Variants in PYGB observed in about 807,000 individuals in gnomAD.
The protein encoded by PYGB is glycogen phosphorylase, brain form.
Under a neutral mutation model 94.3 loss-of-function variants are expected in PYGB, and 82 were observed. The observed-to-expected ratio is 0.87, with a 90% CI of 0.73 to 1.04. The LOEUF (loss-of-function observed/expected upper bound fraction) is 1.04, where lower values mean the gene tolerates loss of function less well. Ranked by LOEUF, PYGB falls within the 50% of genes least tolerant of loss-of-function variation. The pLI is 0.00. For synonymous variants in PYGB, 488 were observed against 479.1 expected (o/e 1.02, Z -0.24); for missense variants, 1,132 against 1,158.2 (o/e 0.98, Z 0.33).
chr20:25,272,147 T>G (rs2088273502), intron 4 of PYGB, among the ~76,000 whole-genome samples: 1 of 152,246 alleles, frequency 6.6e-6, no homozygotes, highest in Admixed American at 6.5e-5. Context: ...TGCCTCAGAA[T>G]GAAAGTCACC....
chr20:25,267,667 A>G (rs759740972), intron 2 of PYGB, among the ~76,000 whole-genome samples: 2 of 152,102 alleles, frequency 1.3e-5, no homozygotes, highest in Admixed American at 6.6e-5. Context: ...AGTAGCTGGG[A>G]CTGTAGGCGT....
chr20:25,259,359 G>A (rs2092908782), intron 2 of PYGB, 21 bp downstream of exon 2: 3 of 1,558,904 alleles, frequency 1.9e-6, no homozygotes, highest in Non-Finnish European at 2.7e-6. Context: ...TCATGGCCGG[G>A]CTTCTGGGTG....
Position 25,292,491 on chromosome 20 carries a change from C to T in PYGB, c.2055C>T (p.Asn685=), listed in dbSNP as rs141811111. 11 of 1,613,608 alleles carry T rather than the reference C, an allele frequency of 6.8e-6. No homozygotes were observed. Among genetic ancestry groups the T allele is most frequent in the African/African-American group, 6.7e-5 (5 of 75,062 alleles). The part of the protein sequence containing the change: ...SGTGNMKFML[N]GALTIGTMDG... ...CAGGCAACATGAAGTTCATGCTCAA[C>T]GGGGCCCTCACCATCGGCACCATGG... is the stretch of plus-strand genomic sequence containing the variant. Residue 685 remains asparagine, a synonymous_variant, in exon 17 of 20, where the codon AAC becomes AAT. Transcript: ENST00000216962.
chr20:25,291,394 C>G (rs2088466216), intron 16 of PYGB, among the ~76,000 whole-genome samples: 1 of 152,190 alleles, frequency 6.6e-6, no homozygotes, highest in Non-Finnish European at 1.5e-5. Context: ...AGGGCCCCCC[C>G]TAGTTCAGGC....
chr20:25,272,422 AC>A (rs928165128), intron 4 of PYGB, among the ~76,000 whole-genome samples: 1 of 152,188 alleles, frequency 6.6e-6, no homozygotes, highest in African/African-American at 2.4e-5. Flanking sequence ...TTAACCCAAA[AC>A]ATAAACGCAA....
chr20:25,276,490 C>T (rs1315782877), intron 5 of PYGB, among the ~76,000 whole-genome samples, 156 bp from the exon 6 acceptor site: 3 of 149,812 alleles, frequency 2.0e-5, no homozygotes, highest in African/African-American at 5.0e-5. Flanking sequence ...ACTGTGGTGC[C>T]GAGCATGGGC....
At position 25,259,336 on chromosome 20, in the gene PYGB, C is replaced by A; in HGVS notation, c.343C>A (p.Gln115Lys). The A allele has an allele frequency of 1.2e-6, 2 of 1,601,248 alleles. No homozygotes were observed. Among genetic ancestry groups the A allele is most frequent in the Non-Finnish European group, 1.7e-6 (2 of 1,168,354 alleles). ...LQNACDEAIY[Q>K]LGLDLEELEE... ...GAATGCCTGCGATGAAGCCATCTAT[C>A]AGGTACAGAGCCTCATGGCCGGGCT... is the stretch of plus-strand genomic sequence containing the variant. Residue 115 changes from glutamine (Q) to lysine (K), a missense_variant and splice_region_variant, in exon 2 of 20, where the codon CAG becomes AAG. Physicochemically the swap from Gln to Lys is moderately conservative, Grantham distance 53. Coordinates refer to ENST00000216962, the MANE Select transcript of PYGB (RefSeq NM_002862.4).
At chr20:25,279,194 C>T (rs1470927555) in intron 9 of PYGB, 45 bp downstream of exon 9, 7 of 1,581,242 alleles carry the variant, frequency 4.4e-6, no homozygotes, top group African/African-American at 1.3e-5. Flanking sequence ...AGCCTGGAGC[C>T]CGTGCAGACC....
chr20:25,277,313 A>G lies in PYGB; in HGVS notation c.842A>G (p.Tyr281Cys). Residue 281 changes from tyrosine to cysteine, a missense_variant, in exon 7 of 20, where the codon TAT becomes TGT. Transcript: ENST00000216962. ...NLAENISRVL[Y>C]PNDNFFEGKE... ...GCTGAGAACATCTCCAGGGTCCTGT[A>G]TCCAAATGATAACGTGAGTAGCTGG... The G allele has an allele frequency of 6.4e-7, 1 of 1,567,186 alleles. No homozygotes were observed. The highest frequency in any genetic ancestry group is 8.8e-7 in the Non-Finnish European group (1 of 1,137,344).
intron 12 of PYGB, 66 bp from the exon 13 acceptor site, chr20:25,283,110 G>T: frequency 7.4e-7 from 1 of 1,342,434 alleles, no homozygotes; most frequent in Non-Finnish European, 1.1e-6. Context: ...GAGGAGGGCA[G>T]GTGGCTAGGG....
At chr20:25,263,549 G>A (rs1293845358) in intron 2 of PYGB, among the ~76,000 whole-genome samples, 1 of 151,916 alleles carries the variant, frequency 6.6e-6, no homozygotes, top group Non-Finnish European at 1.5e-5. Context: ...CTAATAAAGA[G>A]GAAAAGAGAG....
chr20:25,252,539 G>C (rs550865814), intron 1 of PYGB, among the ~76,000 whole-genome samples: 2 of 152,222 alleles, frequency 1.3e-5, no homozygotes, highest in African/African-American at 4.8e-5. Flanking sequence ...ACCTCTGACC[G>C]ACAGCCTCCT....
chr20:25,284,307 C>G (rs1303611260), intron 14 of PYGB, 56 bp downstream of exon 14: 3 of 1,581,804 alleles, frequency 1.9e-6, no homozygotes, highest in African/African-American at 2.7e-5. Context: ...CTTGCCCTTG[C>G]CCGCCAGCTG....
intron 7 of PYGB, 55 bp downstream of exon 7, chr20:25,277,381 G>C: frequency 6.7e-7 from 1 of 1,501,164 alleles, no homozygotes; most frequent in Admixed American, 1.7e-5. Context: ...CTGGCATAGA[G>C]AGGTGGGCTG....
chr20:25,255,433 C>G (rs1487088117), intron 1 of PYGB, among the ~76,000 whole-genome samples: 1 of 152,256 alleles, frequency 6.6e-6, no homozygotes, highest in Non-Finnish European at 1.5e-5. Flanking sequence ...CAAGGCCTGG[C>G]TGGTGGAACG....
Position 25,282,158 on chromosome 20 carries a change from G to A in PYGB, c.1518+11G>A. On this transcript the variant is annotated intron_variant, in intron 12 of 19. Coordinates refer to ENST00000216962, the MANE Select transcript of PYGB (RefSeq NM_002862.4). The stretch of plus-strand genomic sequence containing the variant: ...GATACCATCGTGGAGGTGAGTCCCG[G>A]GCCCCACCCGTGCCTGTGGAGATGC... 1 of 1,596,202 alleles carries A rather than the reference G, an allele frequency of 6.3e-7. No individual in the cohort carries two copies. Among genetic ancestry groups the A allele is most frequent in the Non-Finnish European group, 8.6e-7 (1 of 1,167,628 alleles).
chr20:25,271,325 G>T (rs748314634), intron 3 of PYGB, 58 bp from the exon 4 acceptor site: 1 of 1,542,320 alleles, frequency 6.5e-7, no homozygotes, highest in East Asian at 2.2e-5. Flanking sequence ...GGCTGCCTCC[G>T]CATGGGACCT....
chr20:25,296,229 A>G, intron 19 of PYGB, 141 bp from the exon 20 acceptor site: 2 of 1,031,278 alleles, frequency 1.9e-6, no homozygotes, highest in Non-Finnish European at 2.9e-6. Context: ...CGAACAAGTG[A>G]TTGTAATGTC....
At chr20:25,272,117 C>T (rs976114974) in intron 4 of PYGB, among the ~76,000 whole-genome samples, 1 of 152,146 alleles carries the variant, frequency 6.6e-6, no homozygotes, top group Admixed American at 6.5e-5. Context: ...TCCTCCCTGG[C>T]GAGCAGCTCC....
Sources: allele counts gnomAD v4.1 joint callset (sites outside exome capture counted in the v4.1 genomes callset), GRCh38; gene constraint gnomAD v4.1.1; transcripts MANE v1.5; gene names NCBI Gene and HGNC (gene_info 2026-07-23, HGNC 2026-07-21).